Variants in CREB3L1 observed in about 807,000 individuals in gnomAD.
The protein encoded by CREB3L1 is cAMP responsive element binding protein 3 like 1.
In CREB3L1, 33 loss-of-function variants were observed where a neutral mutation model predicts 54.5. The observed-to-expected ratio is 0.61, with a 90% CI of 0.46 to 0.81. The LOEUF (loss-of-function observed/expected upper bound fraction) is 0.81. CREB3L1 is among the 30% of genes least tolerant of loss of function. The pLI, the probability that CREB3L1 is intolerant of heterozygous loss-of-function variation, is 0.00. For synonymous variants in CREB3L1, 284 were observed against 286.4 expected, an observed-to-expected ratio of 0.99 and a Z score of 0.08; for missense variants, 656 against 673.3, an observed-to-expected ratio of 0.97 and a Z score of 0.29.
chr11:46,316,117 G>A lies in CREB3L1; in HGVS notation c.1032-169G>A, dbSNP rs750246291. The A allele has an allele frequency of 2.3e-5, 13 of 554,488 alleles. 1 individual carries two copies. Among genetic ancestry groups the A allele is most frequent in the Middle Eastern group, 4.8e-4 (1 of 2,100 alleles). 34.3% of individuals were successfully genotyped at this position (554,488 alleles called of 1,614,324 possible). On this transcript the variant is annotated intron_variant, in intron 8 of 11. Transcript: ENST00000621158. The stretch of plus-strand genomic sequence containing the variant: ...AGTCACCATGAGGCAGGCCCCAGGC[G>A]CCAGGCCACTCTGCAGAGGAGCCAC...
intron 2 of CREB3L1, among the ~76,000 whole-genome samples, chr11:46,303,984 C>T (rs971208133): frequency 2.0e-5 from 3 of 152,026 alleles, no homozygotes; most frequent in Non-Finnish European, 4.4e-5. Flanking sequence ...CCAGCCTAGG[C>T]GACAGAGCAA....
rs1480005973 is a variant in CREB3L1, at chr11:46,320,373, G to A, written c.1368G>A (p.Gly456=). 1 of 1,610,824 alleles carries A rather than the reference G, an allele frequency of 6.2e-7. No individual in the cohort carries two copies. The highest frequency in any genetic ancestry group is 8.5e-7 in the Non-Finnish European group (1 of 1,178,654). Residue 456 remains glycine (G), a synonymous_variant, in exon 11 of 12, where the codon GGG becomes GGA. Coordinates refer to ENST00000621158, the MANE Select transcript of CREB3L1 (RefSeq NM_052854.4). ...EPPDGWEINP[G]GPAEQRPRDH... Reference sequence around the variant, plus strand: ...CAGATGGCTGGGAAATCAACCCCGGGGGGCCGGCAGAGCAGCGGCCCCGGG... The same window carrying A: ...CAGATGGCTGGGAAATCAACCCCGGAGGGCCGGCAGAGCAGCGGCCCCGGG...
intron 1 of CREB3L1, among the ~76,000 whole-genome samples, chr11:46,288,585 T>C (rs1939089983): frequency 6.6e-6 from 1 of 152,184 alleles, no homozygotes; most frequent in African/African-American, 2.4e-5. Flanking sequence ...GGAAGGCTCT[T>C]TCCTTTGGGT....
chr11:46,283,916 T>C (rs1006274105), intron 1 of CREB3L1, among the ~76,000 whole-genome samples: 1 of 152,118 alleles, frequency 6.6e-6, no homozygotes, highest in Non-Finnish European at 1.5e-5. Flanking sequence ...GTACTTATGA[T>C]TCCTGAAGGG....
At chr11:46,316,219 A>G in intron 8 of CREB3L1, 67 bp from the exon 9 acceptor site, 1 of 1,010,060 alleles carries the variant, frequency 9.9e-7, no homozygotes, top group South Asian at 1.4e-5. Flanking sequence ...GCCCCCTAGG[A>G]GAGCTCCAGG....
In CREB3L1 at chr11:46,321,261, C is replaced by T. The variant is rs1939648649; in HGVS notation, c.*515C>T. 1 of 288,256 alleles carries T rather than the reference C, an allele frequency of 3.5e-6. No homozygotes were observed. Among genetic ancestry groups the T allele is most frequent in the South Asian group, 6.9e-5 (1 of 14,538 alleles). The allele number at this position is 288,256 out of a possible 1,614,324, so 17.9% of individuals were successfully genotyped here. ...TGAAGTTAGTGCGGGCTTTGCTGCT[C>T]CCTGGCCCAGGAAAGAGGGACTACC... On this transcript the variant is annotated 3_prime_UTR_variant, in exon 12 of 12. Transcript: ENST00000621158.
At position 46,320,855 on chromosome 11, in the gene CREB3L1, C is replaced by T. The variant is rs1456058488; in HGVS notation, c.*109C>T. The T allele has an allele frequency of 8.2e-7, 1 of 1,217,952 alleles. No individual in the cohort carries two copies. The highest frequency in any genetic ancestry group is 2.0e-5 in the Admixed American group (1 of 50,818). 75.4% of individuals were successfully genotyped at this position (1,217,952 alleles called of 1,614,324 possible). On this transcript the variant is annotated 3_prime_UTR_variant, in exon 12 of 12. Coordinates refer to ENST00000621158, the MANE Select transcript of CREB3L1 (RefSeq NM_052854.4). Reference sequence around the variant, plus strand: ...CCCCTGCCTCCTGGAGCTTCCCATTCCAGGAGAAAAGGCTCCACTTCCCAG... The same window carrying T: ...CCCCTGCCTCCTGGAGCTTCCCATTTCAGGAGAAAAGGCTCCACTTCCCAG...
chr11:46,278,954 C>T lies in CREB3L1; in HGVS notation c.102+741C>T, dbSNP rs1316704047. Among the ~76,000 whole-genome samples, 1 of 152,210 alleles carries T rather than the reference C, an allele frequency of 6.6e-6. No homozygotes were observed. Among genetic ancestry groups the T allele is most frequent in the East Asian group, 1.9e-4 (1 of 5,204 alleles). The stretch of plus-strand genomic sequence containing the variant: ...TTCTCCTCTTTCTCACTCTTCCCCT[C>T]CCTCCCTAAGGAAACGTGGCTTCTC... On this transcript the variant is annotated intron_variant, in intron 1 of 11. Coordinates refer to ENST00000621158, the MANE Select transcript of CREB3L1 (RefSeq NM_052854.4). The surrounding 1 kb of genome is among the most constrained non-coding windows in gnomAD (Gnocchi z 4.2).
In CREB3L1 at chr11:46,311,072, T is replaced by A. The variant is rs751767246; in HGVS notation, c.636T>A (p.His212Gln). 1.2e-6 allele frequency: 2 copies of A among 1,610,248 alleles called. No homozygotes were observed. The highest frequency in any genetic ancestry group is 1.7e-4 in the Middle Eastern group (1 of 6,038). The change falls in exon 5 of 12, where the codon CAT (histidine) becomes CAA (glutamine). Residue 212 changes from histidine (H) to glutamine (Q), a missense_variant. By Grantham distance (24) the His-to-Gln change is conservative. Transcript: ENST00000621158. ...TGCCTCCGACGCCCCCCAGCAGCCATGGCAGTGACAGCGACGGCTCCCAGA... is the reference window on the plus strand; with the variant it reads ...TGCCTCCGACGCCCCCCAGCAGCCAAGGCAGTGACAGCGACGGCTCCCAGA... ...VQMPPTPPSS[H>Q]GSDSDGSQSP...
chr11:46,299,755 T>A (rs1271985554), intron 1 of CREB3L1, among the ~76,000 whole-genome samples, 180 bp from the exon 2 acceptor site: 1 of 152,078 alleles, frequency 6.6e-6, no homozygotes, highest in East Asian at 1.9e-4. Context: ...GAGTTGGTGT[T>A]GCAATGTTGG....
intron 3 of CREB3L1, 129 bp downstream of exon 3, chr11:46,308,129 TG>T (rs1278206807): frequency 1.3e-5 from 11 of 877,582 alleles, no homozygotes; most frequent in Non-Finnish European, 1.8e-5. Flanking sequence ...GGGCTGAGGG[TG>T]GGAAGCCCCC....
chr11:46,294,856 G>C lies in CREB3L1; in HGVS notation c.103-5079G>C, dbSNP rs572827922. Among the ~76,000 whole-genome samples, 5 of 152,076 alleles carry C rather than the reference G, an allele frequency of 3.3e-5. No individual in the cohort carries two copies. The South Asian group carries it at 1.0e-3, about 32-fold the overall frequency. ...ATGGGTCAGTGTGTGTTGGGGTGTG[G>C]GGGGGTCTGTGGGCCCCAGCCTGCG... On this transcript the variant is annotated intron_variant, in intron 1 of 11. Coordinates refer to ENST00000621158, the MANE Select transcript of CREB3L1 (RefSeq NM_052854.4).
At position 46,309,993 on chromosome 11, in the gene CREB3L1, C is replaced by A. The variant is rs187182284; in HGVS notation, c.521C>A (p.Pro174Gln). The A allele has an allele frequency of 2.5e-6, 4 of 1,599,258 alleles. No homozygotes were observed. Among genetic ancestry groups the A allele is most frequent in the South Asian group, 2.3e-5 (2 of 87,992 alleles). ...LSRLPIPHQA[P>Q]GEMTQLPVIK... ...CTGGGCTTGTCTGTTCCTCAGGCCCCGGGAGAGATGACTCAGCTGCCAGTG... is the reference window on the plus strand; with the variant it reads ...CTGGGCTTGTCTGTTCCTCAGGCCCAGGGAGAGATGACTCAGCTGCCAGTG... Residue 174 changes from proline to glutamine, a missense_variant, in exon 4 of 12, where the codon CCG becomes CAG. Pro to Gln is a moderately conservative substitution (Grantham distance 76). This residue lies in a region of CREB3L1 where 339 missense variants were observed against 331.5 expected (regional missense o/e 1.02). Transcript: ENST00000621158.
intron 6 of CREB3L1, 47 bp downstream of exon 6, chr11:46,312,521 G>A (rs960305451): frequency 1.2e-6 from 2 of 1,609,452 alleles, no homozygotes; most frequent in East Asian, 2.2e-5. Flanking sequence ...TTGGTGGGTG[G>A]GCTCCCCTGG....
chr11:46,318,972 T>A (rs948543191), intron 10 of CREB3L1, among the ~76,000 whole-genome samples: 2 of 150,864 alleles, frequency 1.3e-5, no homozygotes, highest in Non-Finnish European at 3.0e-5. Flanking sequence ...GAGAACGGGG[T>A]GGTCACTAAA....
intron 8 of CREB3L1, among the ~76,000 whole-genome samples, chr11:46,314,710 C>CTT (rs199547974): frequency 2.1e-5 from 3 of 141,494 alleles, no homozygotes; most frequent in Non-Finnish European, 3.1e-5. Flanking sequence ...TTTTTATTTA[C>CTT]TTTTTTTTTT....
chr11:46,305,744 A>AT (rs1412808958), intron 2 of CREB3L1, among the ~76,000 whole-genome samples: 43 of 100,410 alleles, frequency 4.3e-4, no homozygotes, highest in African/African-American at 1.5e-3. Context: ...ATATATATAT[A>AT]TATTTTTTTT....
intron 1 of CREB3L1, among the ~76,000 whole-genome samples, chr11:46,297,170 G>A (rs1410068015): frequency 6.6e-6 from 1 of 152,218 alleles, no homozygotes; most frequent in East Asian, 1.9e-4. Context: ...GCCCCCAGCC[G>A]GCAGGCCCGG....
At chr11:46,291,292 A>T (rs1042409750) in intron 1 of CREB3L1, among the ~76,000 whole-genome samples, 3 of 152,204 alleles carry the variant, frequency 2.0e-5, no homozygotes, top group Non-Finnish European at 4.4e-5. Flanking sequence ...CTGTAATAAT[A>T]ACAGCTACAT....
Sources: allele counts gnomAD v4.1 joint callset (sites outside exome capture counted in the v4.1 genomes callset), GRCh38; gene constraint gnomAD v4.1.1; regional missense constraint gnomAD v4.1.1; non-coding constraint Gnocchi (gnomAD v3.1); transcripts MANE v1.5; gene names NCBI Gene and HGNC (gene_info 2026-07-23, HGNC 2026-07-21).